The following ITCH variants were observed in gnomAD, a reference collection of about 807,000 sequenced individuals.
ITCH encodes itchy E3 ubiquitin protein ligase.
A neutral mutation model predicts 126.8 loss-of-function variants in ITCH; 28 were observed. The ratio of observed to expected loss-of-function variants is 0.22; its 90% CI spans 0.16 to 0.30. The LOEUF is 0.30. ITCH is among the 10% of genes least tolerant of loss of function. The probability of loss-of-function intolerance (pLI) is 1.00; values close to 1 mark genes in which losing one functional copy is unlikely to be tolerated. For missense variants in ITCH, 631 were observed against 1,032.4 expected (o/e 0.61, Z 5.33); for synonymous variants, 342 against 340.0 (o/e 1.01, Z -0.06).
chr20:34,492,634 T>G (rs758885480), intron 23 of ITCH, 37 bp downstream of exon 23: 4 of 1,302,832 alleles, frequency 3.1e-6, no homozygotes, highest in Non-Finnish European at 4.5e-6. Context: ...TACAGAAAAT[T>G]GTTTATCATG....
At chr20:34,380,605 C>CTTTTTTT (rs35848431) in intron 2 of ITCH, among the ~76,000 whole-genome samples, 1 of 69,246 alleles carries the variant, frequency 1.4e-5, no homozygotes, top group Non-Finnish European at 2.6e-5. Context: ...TTAATGATGT[C>CTTTTTTT]TTTTTTTTTT....
At chr20:34,395,266 T>A (rs905717674) in intron 3 of ITCH, among the ~76,000 whole-genome samples, 3 of 151,986 alleles carry the variant, frequency 2.0e-5, no homozygotes, top group Admixed American at 6.6e-5. Context: ...GTTTTTATAT[T>A]CCTGCTATAC....
intron 8 of ITCH, among the ~76,000 whole-genome samples, chr20:34,439,687 A>ATT (rs1320781800): frequency 6.6e-6 from 1 of 152,210 alleles, no homozygotes; most frequent in African/African-American, 2.4e-5. Flanking sequence ...AGTATTTCTT[A>ATT]AAGGTGTAAT....
At chr20:34,480,525 A>G (rs1436867945) in intron 18 of ITCH, 74 bp from the exon 19 acceptor site, 1 of 1,529,986 alleles carries the variant, frequency 6.5e-7, no homozygotes, top group East Asian at 2.3e-5. Context: ...TTAAATGAAG[A>G]GTACATCTAA....
Position 34,408,274 on chromosome 20 carries a change from A to G in ITCH, c.71-377A>G, listed in dbSNP as rs1346778414. ...TTTTTAGGCGAGATGAGGTCTCGCT[A>G]TGTTTTCCAGATTGGTCTTCGACTA... On this transcript the variant is annotated intron_variant, in intron 3 of 24. Coordinates refer to ENST00000374864, the MANE Select transcript of ITCH (RefSeq NM_031483.7). Among the ~76,000 whole-genome samples, 8 of 152,182 alleles carry G rather than the reference A, an allele frequency of 5.3e-5. No homozygotes were observed. In the East Asian group the frequency reaches 9.7e-4, roughly 18 times the overall value.
At chr20:34,372,991 T>C (rs2037698086) in intron 2 of ITCH, among the ~76,000 whole-genome samples, 1 of 151,222 alleles carries the variant, frequency 6.6e-6, no homozygotes, top group East Asian at 1.9e-4. Flanking sequence ...TTTTTTTTTT[T>C]GAGACGGAGT....
chr20:34,369,639 A>G, intron 2 of ITCH, 169 bp downstream of exon 2: 1 of 390,828 alleles, frequency 2.6e-6, no homozygotes. Context: ...CTCTGCAGGG[A>G]TTAGCCTGTG....
chr20:34,385,025 T>C (rs1162792849), intron 2 of ITCH, among the ~76,000 whole-genome samples: 1 of 151,474 alleles, frequency 6.6e-6, no homozygotes, highest in East Asian at 1.9e-4. Context: ...AGAAAATTTT[T>C]TTTTTTTAAG....
At position 34,460,347 on chromosome 20, in the gene ITCH, C is replaced by G. The variant is rs562974619; in HGVS notation, c.1296-1746C>G. 1.0e-3 allele frequency among the ~76,000 whole-genome samples: 151 copies of G among 151,234 alleles called. 3 individuals carry two copies. In the South Asian group the frequency reaches 0.029, roughly 30 times the overall value. On this transcript the variant is annotated intron_variant, in intron 13 of 24. Coordinates refer to ENST00000374864, the MANE Select transcript of ITCH (RefSeq NM_031483.7). ...TGGACTATAGGCATGGGCCACCACA[C>G]CCAGCTTTTTTTTTTTTTTTTTTTT...
intron 3 of ITCH, among the ~76,000 whole-genome samples, chr20:34,400,295 C>T (rs977040143): frequency 2.6e-5 from 4 of 152,040 alleles, no homozygotes; most frequent in African/African-American, 4.8e-5. Context: ...GTCTTGAACT[C>T]CTGGCCTCAA....
chr20:34,499,748 C>G (rs1434218956), intron 23 of ITCH, among the ~76,000 whole-genome samples: 1 of 150,810 alleles, frequency 6.6e-6, no homozygotes, highest in Non-Finnish European at 1.5e-5. Context: ...TTGCTTTGTT[C>G]TTTTCTGGTT....
At chr20:34,478,533 G>A (rs747699263) in intron 17 of ITCH, among the ~76,000 whole-genome samples, 8 of 152,144 alleles carry the variant, frequency 5.3e-5, no homozygotes, top group African/African-American at 1.9e-4. Flanking sequence ...GGACTTTGGG[G>A]TCAAGACGGG....
intron 14 of ITCH, chr20:34,466,350 T>C (rs373872492): frequency 4.9e-5 from 26 of 532,018 alleles, no homozygotes; most frequent in Non-Finnish European, 9.2e-5. Flanking sequence ...TTTCCATCAG[T>C]GTTCATAAGG....
rs767358150 is a variant in ITCH at position 34,509,762 on chromosome 20, A to G, written c.*1968A>G. On this transcript the variant is annotated 3_prime_UTR_variant, in exon 25 of 25. Transcript: ENST00000374864. ...TGTCTGCCAACTACCCGTTCATTAT[A>G]TAAGTCTGAACTTGGTAATATATGG... is the stretch of plus-strand genomic sequence containing the variant. 1 of 152,670 alleles carries G rather than the reference A, an allele frequency of 6.6e-6. No homozygotes were observed. Among genetic ancestry groups the G allele is most frequent in the Admixed American group, 6.5e-5 (1 of 15,286 alleles). The allele number at this position is 152,670 out of a possible 1,614,324, so 9.5% of individuals were successfully genotyped here.
chr20:34,383,145 G>A (rs894802422), intron 2 of ITCH, among the ~76,000 whole-genome samples: 2 of 152,060 alleles, frequency 1.3e-5, no homozygotes, highest in Admixed American at 6.6e-5. Context: ...GGGCTCTGGC[G>A]ATGCTCCTGT....
At chr20:34,444,841 C>G (rs1398982201) in intron 10 of ITCH, among the ~76,000 whole-genome samples, 1 of 152,142 alleles carries the variant, frequency 6.6e-6, no homozygotes, top group Non-Finnish European at 1.5e-5. Context: ...GGGGCTTCAC[C>G]CTGGTGGCCA....
chr20:34,449,614 A>AAT (rs956161165), intron 12 of ITCH, 134 bp downstream of exon 12: 44 of 665,194 alleles, frequency 6.6e-5, no homozygotes, highest in African/African-American at 6.4e-4. Flanking sequence ...GTTTTTTTTT[A>AAT]ATATATATAT....
At chr20:34,413,946 G>C in intron 6 of ITCH, 67 bp downstream of exon 6, 1 of 1,285,490 alleles carries the variant, frequency 7.8e-7, no homozygotes, top group East Asian at 2.3e-5. Flanking sequence ...GTAGTATGCT[G>C]TATGTAATTA....
chr20:34,368,698 A>T (rs2037509903), intron 1 of ITCH, among the ~76,000 whole-genome samples: 1 of 152,160 alleles, frequency 6.6e-6, no homozygotes, highest in Non-Finnish European at 1.5e-5. Context: ...ACTGTCCTTG[A>T]AAAACTGCTG....
Sources: allele counts gnomAD v4.1 joint callset (sites outside exome capture counted in the v4.1 genomes callset), GRCh38; gene constraint gnomAD v4.1.1; transcripts MANE v1.5; gene names NCBI Gene and HGNC (gene_info 2026-07-23, HGNC 2026-07-21).